Variants in DNMT3A observed in about 807,000 individuals in gnomAD.
The protein encoded by DNMT3A is DNA (cytosine-5)-methyltransferase 3A.
DNMT3A carries 267 observed loss-of-function variants against 117.6 expected under a neutral mutation model. The ratio of observed to expected loss-of-function variants is 2.27; its 90% CI spans 2.05 to 2.51. DNMT3A has a LOEUF of 2.51. Ranked by LOEUF, DNMT3A falls within the 30% of genes most tolerant of loss-of-function variation. The pLI, the probability that DNMT3A is intolerant of heterozygous loss-of-function variation, is 0.00. For missense variants in DNMT3A, 1,029 were observed against 1,260.2 expected (o/e 0.82, Z 2.78); for synonymous variants, 432 against 474.8 (o/e 0.91, Z 1.17).
intron 2 of DNMT3A, among the ~76,000 whole-genome samples, chr2:25,313,382 C>T (rs1018261435): frequency 1.3e-5 from 2 of 152,224 alleles, no homozygotes; most frequent in Admixed American, 6.5e-5. Context: ...CAGGAAATCA[C>T]CATCTCCAAA....
In DNMT3A at chr2:25,327,366, T is replaced by C. The variant is rs1237179127; in HGVS notation, c.-177-13205A>G. The stretch of plus-strand genomic sequence containing the variant: ...GGCCCTTGAGCTCAATTCAACATCC[T>C]GGCCAGCTAATCACTCCCTGCTTCA... On this transcript the variant is annotated intron_variant, in intron 1 of 22. Coordinates refer to ENST00000321117, the MANE Select transcript of DNMT3A (RefSeq NM_022552.5). The surrounding 1 kb of genome is among the most constrained non-coding windows in gnomAD (Gnocchi z 4.1). 6.6e-6 allele frequency among the ~76,000 whole-genome samples: 1 copy of C among 152,148 alleles called. No homozygotes were observed. Among genetic ancestry groups the C allele is most frequent in the African/African-American group, 2.4e-5 (1 of 41,432 alleles).
Position 25,232,007 on chromosome 2 carries a change from CGT to C in DNMT3A, c.*2270_*2271del, listed in dbSNP as rs1406001337. The C allele has an allele frequency of 6.6e-6, 1 of 152,134 alleles. No homozygotes were observed. Among genetic ancestry groups the C allele is most frequent in the African/African-American group, 2.4e-5 (1 of 41,362 alleles). The allele number at this position is 152,134 out of a possible 1,614,324, so 9.4% of individuals were successfully genotyped here. A position where few individuals can be genotyped will look rare whatever the true frequency, so the allele number is the denominator to read the frequency against. ...GTACAGAAATATGCTCCTGTGTATG[CGT>C]GTGAGATTGACTGATTGGTGTGGGG... On this transcript the variant is annotated 3_prime_UTR_variant, in exon 23 of 23. Transcript: ENST00000321117. This position sits in a 1 kb window ranked among gnomAD's most constrained non-coding sequence, Gnocchi z 4.1.
At chr2:25,326,033 A>G (rs7575625) in intron 1 of DNMT3A, among the ~76,000 whole-genome samples, 63,526 of 151,714 alleles carry the variant, frequency 0.42, 13,563 homozygotes, top group African/African-American at 0.44. Flanking sequence ...TAGCAAGTGT[A>G]AAGTGTAGCC....
intron 1 of DNMT3A, chr2:25,328,739 T>C (rs746515293): frequency 2.0e-6 from 1 of 497,646 alleles, no homozygotes; most frequent in South Asian, 1.5e-5. Context: ...AGGGGTCGCT[T>C]GGCAGAGCCC....
At chr2:25,249,172 A>G (rs2384144) in intron 6 of DNMT3A, among the ~76,000 whole-genome samples, 103,841 of 152,082 alleles carry the variant, frequency 0.68, 36,388 homozygotes, top group Non-Finnish European at 0.75. Context: ...AGGGAGGATC[A>G]CTTGAGCCCA....
intron 16 of DNMT3A, 173 bp from the exon 17 acceptor site, chr2:25,241,880 T>A: frequency 1.2e-6 from 1 of 806,058 alleles, no homozygotes; most frequent in Non-Finnish European, 1.9e-6. Context: ...GTATCCATAG[T>A]AAGGACATCG....
rs1558649093 is a variant in DNMT3A, at chr2:25,233,312, C to T, written c.*967G>A. ...AGGGGAAGAGCCCACCGTGAGAACG[C>T]GCCATCTGCAAGCTGTCTCCCTTTC... On this transcript the variant is annotated 3_prime_UTR_variant, in exon 23 of 23. Transcript: ENST00000321117. 3 of 233,664 alleles carry T rather than the reference C, an allele frequency of 1.3e-5. No homozygotes were observed. Among genetic ancestry groups the T allele is most frequent in the Admixed American group, 5.6e-5 (1 of 17,758 alleles). The allele number at this position is 233,664 out of a possible 1,614,324, so 14.5% of individuals were successfully genotyped here.
Position 25,247,615 on chromosome 2 carries a change from C to G in DNMT3A, c.990G>C (p.Trp330Cys), listed in dbSNP as rs757340349. 1 of 1,613,986 alleles carries G rather than the reference C, an allele frequency of 6.2e-7. No individual in the cohort carries two copies. The highest frequency in any genetic ancestry group is 1.3e-5 in the African/African-American group (1 of 74,918). Residue 330 changes from tryptophan (W) to cysteine (C), a missense_variant, in exon 8 of 23, where the codon TGG becomes TGC. Trp to Cys is a radical substitution (Grantham distance 215). Coordinates refer to ENST00000321117, the MANE Select transcript of DNMT3A (RefSeq NM_022552.5). The surrounding 1 kb of genome is among the most constrained non-coding windows in gnomAD (Gnocchi z 5.6). Reference sequence around the variant, plus strand: ...CCACTGAGAATTTGCCGTCTCCGAACCACATGACCCAGCGGGTGCCTTCAG... The same window carrying G: ...CCACTGAGAATTTGCCGTCTCCGAAGCACATGACCCAGCGGGTGCCTTCAG... ...RAAEGTRWVM[W>C]FGDGKFSVVC...
At chr2:25,301,663 T>A (rs960315744) in intron 2 of DNMT3A, among the ~76,000 whole-genome samples, 3 of 152,178 alleles carry the variant, frequency 2.0e-5, no homozygotes, top group African/African-American at 7.2e-5. Flanking sequence ...GGCTCTGGCA[T>A]GACTAATCCC....
chr2:25,303,322 G>A (rs943196697), intron 2 of DNMT3A, among the ~76,000 whole-genome samples: 8 of 152,260 alleles, frequency 5.3e-5, no homozygotes, highest in Non-Finnish European at 1.2e-4. Context: ...CTGGGCATGC[G>A]GAGAAAGCCT....
chr2:25,309,858 G>A (rs868065930), intron 2 of DNMT3A, among the ~76,000 whole-genome samples: 1 of 151,960 alleles, frequency 6.6e-6, no homozygotes, highest in African/African-American at 2.4e-5. Context: ...TCGAGACCAT[G>A]CTGGCTAACA....
At chr2:25,245,434 A>G in intron 12 of DNMT3A, 102 bp from the exon 13 acceptor site, 2 of 1,077,644 alleles carry the variant, frequency 1.9e-6, no homozygotes, top group Admixed American at 4.2e-5. Context: ...GGGGTGTGCC[A>G]GAGCGGCAGC....
intron 6 of DNMT3A, among the ~76,000 whole-genome samples, chr2:25,272,891 T>A (rs958923669): frequency 6.7e-6 from 1 of 149,192 alleles, no homozygotes; most frequent in African/African-American, 2.5e-5. Flanking sequence ...AACCTCCACC[T>A]GTCGGGTTCA....
chr2:25,328,555 A>C, intron 1 of DNMT3A: 1 of 452,468 alleles, frequency 2.2e-6, no homozygotes, highest in Admixed American at 2.4e-5. Flanking sequence ...ACGAGGTCAG[A>C]GTTCATGCGT....
chr2:25,319,725 A>G (rs1363889529), intron 1 of DNMT3A, among the ~76,000 whole-genome samples: 1 of 151,722 alleles, frequency 6.6e-6, no homozygotes, highest in Non-Finnish European at 1.5e-5. Flanking sequence ...GCTCGTGGCC[A>G]TACTCTGCTA....
chr2:25,249,584 T>C, intron 6 of DNMT3A: 1 of 1,562,184 alleles, frequency 6.4e-7, no homozygotes, highest in Non-Finnish European at 8.8e-7. Flanking sequence ...AGGCGTGCTC[T>C]CTGCCATCCC....
chr2:25,313,922 C>T lies in DNMT3A; in HGVS notation c.63G>A (p.Glu21=). The change falls in exon 2 of 23, where the codon GAG becomes GAA. Residue 21 remains glutamate (E), a synonymous_variant. Transcript: ENST00000321117. The part of the protein sequence containing the change: ...DTSSSAAERE[E]DRKDGEEQEE... The stretch of plus-strand genomic sequence containing the variant: ...AGAGCCCGCTGCTCACCTTTCGGTC[C>T]TCCTCCCGCTCCGCAGCAGAGCTGC... 1 of 1,549,620 alleles carries T rather than the reference C, an allele frequency of 6.5e-7. No individual in the cohort carries two copies. The highest frequency in any genetic ancestry group is 1.2e-5 in the South Asian group (1 of 83,988).
In DNMT3A at chr2:25,240,313, G is replaced by A. The variant is rs779626155; in HGVS notation, c.2311C>T (p.Arg771Ter). Residue 771 changes from arginine (R) to a stop codon, truncating the protein, a stop_gained, in exon 19 of 23, where the codon CGA becomes TGA. Coordinates refer to ENST00000321117, the MANE Select transcript of DNMT3A (RefSeq NM_022552.5). LOFTEE classifies it high-confidence loss of function. ...GTTGCTGGCTATACCTCGAGAAATC[G>A]CGAGATGTCCCTCTTGTCACTAACG... ...MGVSDKRDIS[R>*]FLESNPVMID... 3.8e-5 allele frequency: 61 copies of A among 1,613,788 alleles called. No homozygotes were observed. The highest frequency in any genetic ancestry group is 4.2e-5 in the Non-Finnish European group (49 of 1,179,842).
At chr2:25,262,892 C>T (rs763376373) in intron 6 of DNMT3A, among the ~76,000 whole-genome samples, 4 of 152,172 alleles carry the variant, frequency 2.6e-5, no homozygotes, top group Non-Finnish European at 4.4e-5. Flanking sequence ...GAAGTCATGC[C>T]TCCTTCTCTT....
Sources: gnomAD v4.1 joint callset for allele counts (sites outside exome capture counted in the v4.1 genomes callset) on GRCh38, gnomAD v4.1.1 for gene constraint, Gnocchi (gnomAD v3.1) non-coding constraint, MANE v1.5 for transcripts, NCBI Gene and HGNC (gene_info 2026-07-23, HGNC 2026-07-21) for gene names.